Variants in STRBP observed in about 807,000 individuals in gnomAD.
STRBP encodes spermatid perinuclear RNA-binding protein.
In STRBP, 13 loss-of-function variants were observed where a neutral mutation model predicts 80.1. That is an observed-to-expected ratio of 0.16 (90% confidence interval 0.11 to 0.26). The LOEUF (loss-of-function observed/expected upper bound fraction) is 0.26. Among genes scored for constraint, STRBP ranks in the 10% least tolerant of loss-of-function variants. STRBP has a pLI of 1.00. For synonymous variants in STRBP, 284 were observed against 291.2 expected (o/e 0.98, Z 0.25); for missense variants, 485 against 815.2 (o/e 0.59, Z 4.93).
At chr9:123,177,067 C>T (rs1455966232) in intron 4 of STRBP, among the ~76,000 whole-genome samples, 1 of 152,174 alleles carries the variant, frequency 6.6e-6, no homozygotes, top group Admixed American at 6.5e-5. Flanking sequence ...GTGGTTAACA[C>T]TCACCAGGTG....
In STRBP at chr9:123,136,531, A is replaced by T; in HGVS notation, c.1498-16T>A. 6.2e-7 allele frequency: 1 copy of T among 1,609,526 alleles called. No homozygotes were observed. The highest frequency in any genetic ancestry group is 1.1e-5 in the South Asian group (1 of 90,040). On this transcript the variant is annotated splice_polypyrimidine_tract_variant and intron_variant, in intron 14 of 18. Transcript: ENST00000348403. The surrounding 1 kb of genome is among the most constrained non-coding windows in gnomAD (Gnocchi z 4.2). ...GAGTTCTTACCTATAAGAGAAAGGG[A>T]ATCTGAAGGTTCAATCAAGTAAGAT...
chr9:123,135,493 A>G (rs139024818), intron 16 of STRBP, among the ~76,000 whole-genome samples: 188 of 152,344 alleles, frequency 1.2e-3, no homozygotes, highest in African/African-American at 4.1e-3. Context: ...TTAGAGGGCC[A>G]TCTTTTCTAA....
chr9:123,248,034 T>G lies in STRBP; in HGVS notation c.-301-11068A>C, dbSNP rs916219057. 2.0e-5 allele frequency among the ~76,000 whole-genome samples: 3 copies of G among 152,290 alleles called. No individual in the cohort carries two copies. The East Asian group carries it at 5.8e-4, about 29-fold the overall frequency. On this transcript the variant is annotated intron_variant, in intron 1 of 18. Coordinates refer to ENST00000348403, the MANE Select transcript of STRBP (RefSeq NM_018387.5). Reference sequence around the variant, plus strand: ...TAAGCACAAGGTATACACAAGGTGCTTTAGGAAGCATTAAAACATTTCTAT... The same window carrying G: ...TAAGCACAAGGTATACACAAGGTGCGTTAGGAAGCATTAAAACATTTCTAT...
At chr9:123,185,517 T>C (rs1250053643) in intron 2 of STRBP, among the ~76,000 whole-genome samples, 3 of 152,194 alleles carry the variant, frequency 2.0e-5, no homozygotes, top group African/African-American at 4.8e-5. Flanking sequence ...GGGATCCTTT[T>C]GGACAACCAA....
In STRBP at chr9:123,160,452, T is replaced by C. The variant is rs771824493; in HGVS notation, c.638A>G (p.Asn213Ser). ...GACAATTACACATGATTTTAATCCA[T>C]TTGCCCTTGCCTAAAACAAACAAAA... The part of the protein sequence containing the change: ...RHAKWFQARA[N>S]GLKSCVIVLR... The change falls in exon 8 of 19, where the codon AAT becomes AGT. Residue 213 changes from asparagine to serine, a missense_variant. Physicochemically the swap from Asn to Ser is conservative, Grantham distance 46 (BLOSUM62 1). Transcript: ENST00000348403. The C allele has an allele frequency of 1.3e-6, 2 of 1,596,574 alleles. No individual in the cohort carries two copies. The highest frequency in any genetic ancestry group is 1.7e-5 in the Admixed American group (1 of 59,428).
intron 2 of STRBP, among the ~76,000 whole-genome samples, chr9:123,232,289 T>C (rs1272915926): frequency 1.3e-5 from 2 of 152,078 alleles, no homozygotes; most frequent in African/African-American, 4.8e-5. Flanking sequence ...CCAGCCTGGG[T>C]GACAGAGTAA....
Position 123,179,162 on chromosome 9 carries a change from T to G in STRBP, c.69A>C (p.Pro23=). Residue 23 remains proline, a synonymous_variant, in exon 4 of 19, where the codon CCA becomes CCC. Transcript: ENST00000348403. The part of the protein sequence containing the change: ...HVMVKHSTIY[P]SPEELEAVQN... The stretch of plus-strand genomic sequence containing the variant: ...GAACAGCTTCAAGTTCCTCCGGAGA[T>G]GGATAGATTGTTGAATGTTTCACCA... 1 of 1,613,454 alleles carries G rather than the reference T, an allele frequency of 6.2e-7. No homozygotes were observed. Among genetic ancestry groups the G allele is most frequent in the Non-Finnish European group, 8.5e-7 (1 of 1,179,406 alleles).
At position 123,147,701 on chromosome 9, in the gene STRBP, C is replaced by T. The variant is rs960525581; in HGVS notation, c.1138+77G>A. 10 of 923,990 alleles carry T rather than the reference C, an allele frequency of 1.1e-5. No homozygotes were observed. The Admixed American group carries it at 2.2e-4, about 20-fold the overall frequency. 57.2% of individuals were successfully genotyped at this position (923,990 alleles called of 1,614,324 possible). A position where few individuals can be genotyped will look rare whatever the true frequency, so the allele number is the denominator to read the frequency against. ...TCAAAAAAAAAAAAAAAAAAAAAACCCTTCACTTTTAATTTTTCTATCTGA... is the reference window on the plus strand; with the variant it reads ...TCAAAAAAAAAAAAAAAAAAAAAACTCTTCACTTTTAATTTTTCTATCTGA... On this transcript the variant is annotated intron_variant, in intron 12 of 18. Transcript: ENST00000348403.
chr9:123,200,590 C>T (rs1399715827), intron 2 of STRBP, among the ~76,000 whole-genome samples: 1 of 144,548 alleles, frequency 6.9e-6, no homozygotes, highest in African/African-American at 2.6e-5. Flanking sequence ...TTTTTTGAGA[C>T]GGAATCTCAC....
At chr9:123,245,871 C>A (rs1240785041) in intron 1 of STRBP, among the ~76,000 whole-genome samples, 1 of 152,178 alleles carries the variant, frequency 6.6e-6, no homozygotes, top group Non-Finnish European at 1.5e-5. Context: ...AATTATCCCA[C>A]TGATAAATGG....
chr9:123,251,258 A>C (rs1195612553), intron 1 of STRBP, among the ~76,000 whole-genome samples: 1 of 151,804 alleles, frequency 6.6e-6, no homozygotes, highest in Non-Finnish European at 1.5e-5. Flanking sequence ...GAGAAGGAGA[A>C]GAAAAATAGT....
At chr9:123,119,677 T>G (rs2035698936), downstream of STRBP, among the ~76,000 whole-genome samples, 1 of 152,138 alleles carries the variant, frequency 6.6e-6, no homozygotes, top group African/African-American at 2.4e-5. Flanking sequence ...TGGCAGAGCC[T>G]TGCCCTCCTC....
Position 123,132,837 on chromosome 9 carries a change from T to C in STRBP, c.1897+8A>G, listed in dbSNP as rs200247691. ...AAGGGGGCCAATCTCTTGCAGTTTG[T>C]ACTATACCTGGAGCTATGTAGCCAG... On this transcript the variant is annotated splice_region_variant and intron_variant, in intron 17 of 18. Transcript: ENST00000348403. The C allele has an allele frequency of 6.2e-7, 1 of 1,613,892 alleles. No homozygotes were observed. Among genetic ancestry groups the C allele is most frequent in the East Asian group, 2.2e-5 (1 of 44,878 alleles).
intron 2 of STRBP, among the ~76,000 whole-genome samples, chr9:123,192,014 T>C (rs1227235357): frequency 6.6e-6 from 1 of 152,136 alleles, no homozygotes; most frequent in East Asian, 1.9e-4. Context: ...GCATTTCGAA[T>C]AGATTGGATG....
chr9:123,215,873 G>A (rs762535298), intron 2 of STRBP, among the ~76,000 whole-genome samples: 5 of 152,166 alleles, frequency 3.3e-5, no homozygotes, highest in Admixed American at 6.5e-5. Flanking sequence ...TTCCAAGTTC[G>A]ATTCTGGATT....
chr9:123,260,609 G>A (rs1296493537), intron 1 of STRBP, among the ~76,000 whole-genome samples: 2 of 152,162 alleles, frequency 1.3e-5, no homozygotes, highest in Admixed American at 6.5e-5. Context: ...TGTTAATTTA[G>A]GGGGTTAAAA....
At chr9:123,183,934 G>A (rs1304000932) in intron 3 of STRBP, among the ~76,000 whole-genome samples, 198 bp downstream of exon 3, 3 of 152,134 alleles carry the variant, frequency 2.0e-5, no homozygotes, top group Non-Finnish European at 4.4e-5. Flanking sequence ...GGCTCATGAG[G>A]CCCTACCTTG....
intron 16 of STRBP, among the ~76,000 whole-genome samples, chr9:123,134,272 C>T (rs942474896): frequency 6.6e-6 from 1 of 152,184 alleles, no homozygotes. Context: ...AAAGCGTACT[C>T]TATGATAAAG....
intron 4 of STRBP, among the ~76,000 whole-genome samples, chr9:123,175,634 TTTC>T (rs1471809267): frequency 6.6e-6 from 1 of 152,216 alleles, no homozygotes; most frequent in African/African-American, 2.4e-5. Context: ...TCATCTTTGA[TTTC>T]TTCTTCCTCT....
Sources: gnomAD v4.1 joint callset for allele counts (sites outside exome capture counted in the v4.1 genomes callset) on GRCh38, gnomAD v4.1.1 for gene constraint, Gnocchi (gnomAD v3.1) non-coding constraint, MANE v1.5 for transcripts, NCBI Gene and HGNC (gene_info 2026-07-23, HGNC 2026-07-21) for gene names.